Variants in FADS1 observed in about 807,000 individuals in gnomAD.
FADS1 encodes acyl-CoA (8-3)-desaturase.
A neutral mutation model predicts 61.6 loss-of-function variants in FADS1; 17 were observed. The ratio of observed to expected loss-of-function variants is 0.28; its 90% confidence interval spans 0.19 to 0.41. The LOEUF (loss-of-function observed/expected upper bound fraction) is 0.41, where lower values mean the gene tolerates loss of function less well. Ranked by LOEUF, FADS1 falls within the 10% of genes least tolerant of loss-of-function variation. The pLI is 1.00. For synonymous variants in FADS1, 238 were observed against 258.7 expected (o/e 0.92, Z 0.77); for missense variants, 387 against 650.9 (o/e 0.59, Z 4.41).
chr11:61,802,830 G>T lies in FADS1; in HGVS notation c.1425C>A (p.Pro475=), dbSNP rs748247775. ...AKHGIEYQSK[P]LLSAFADIIH... Reference sequence around the variant, plus strand: ...TGATGTCGGCGAAGGCTGACAGCAGGGGCTTGGACTGGTACTCTATGCCAT... The same window carrying T: ...TGATGTCGGCGAAGGCTGACAGCAGTGGCTTGGACTGGTACTCTATGCCAT... The change falls in exon 11 of 12, where the codon CCC becomes CCA. Residue 475 remains proline, a synonymous_variant. Coordinates refer to ENST00000350997, the MANE Select transcript of FADS1 (RefSeq NM_013402.7). This position sits in a 1 kb window ranked among gnomAD's most constrained non-coding sequence, Gnocchi z 4.2. 55 of 1,614,118 alleles carry T rather than the reference G, an allele frequency of 3.4e-5. No individual in the cohort carries two copies. The highest frequency in any genetic ancestry group is 4.2e-5 in the Non-Finnish European group (49 of 1,180,050).
At chr11:61,811,182 C>A in intron 3 of FADS1, 107 bp from the exon 4 acceptor site, 1 of 772,302 alleles carries the variant, frequency 1.3e-6, no homozygotes, top group Non-Finnish European at 2.2e-6. Flanking sequence ...CTGCCAAGGC[C>A]TGTGATGCAC....
In FADS1 at chr11:61,816,865, C is replaced by A. The variant is rs935027235; in HGVS notation, c.65G>T (p.Arg22Leu). The A allele has an allele frequency of 5.9e-5, 87 of 1,478,556 alleles. No individual in the cohort carries two copies. The highest frequency in any genetic ancestry group is 7.0e-5 in the Non-Finnish European group (79 of 1,125,508). The allele number at this position is 1,478,556 out of a possible 1,614,324, so 91.6% of individuals were successfully genotyped here. A position where few individuals can be genotyped will look rare whatever the true frequency, so the allele number is the denominator to read the frequency against. The change falls in exon 1 of 12, where the codon CGG (arginine) becomes CTG (leucine). Residue 22 changes from arginine (R) to leucine (L), a missense_variant. By Grantham distance (102) the Arg-to-Leu change is moderately radical. This residue lies in a region of FADS1 where 130 missense variants were observed against 117.7 expected (regional missense o/e 1.10). Coordinates refer to ENST00000350997, the MANE Select transcript of FADS1 (RefSeq NM_013402.7). The surrounding 1 kb of genome is among the most constrained non-coding windows in gnomAD (Gnocchi z 7.0). Reference sequence around the variant, plus strand: ...TTGCTGGCGCGCGCCCAGAGCCAGCCGCCTGCGCGCCGGGTTTTCAGCACC... The same window carrying A: ...TTGCTGGCGCGCGCCCAGAGCCAGCAGCCTGCGCGCCGGGTTTTCAGCACC... ...PCGAENPARRRLALGARQQIH... is the reference protein window; with the variant it reads ...PCGAENPARRLLALGARQQIH...
In FADS1 at chr11:61,816,057, T is replaced by C; in HGVS notation, c.375+498A>G. 1.7e-6 allele frequency: 1 copy of C among 587,782 alleles called. No individual in the cohort carries two copies. The highest frequency in any genetic ancestry group is 2.1e-5 in the South Asian group (1 of 48,504). The allele number at this position is 587,782 out of a possible 1,614,324, so 36.4% of individuals were successfully genotyped here. A position where few individuals can be genotyped will look rare whatever the true frequency, so the allele number is the denominator to read the frequency against. On this transcript the variant is annotated intron_variant, in intron 1 of 11. Coordinates refer to ENST00000350997, the MANE Select transcript of FADS1 (RefSeq NM_013402.7). This position sits in a 1 kb window ranked among gnomAD's most constrained non-coding sequence, Gnocchi z 7.0. ...TTCAGCCCCATCCTCGAGAATGGGCTCCTTTCCTGCTCCCTCTCCGCTCCT... is the reference window on the plus strand; with the variant it reads ...TTCAGCCCCATCCTCGAGAATGGGCCCCTTTCCTGCTCCCTCTCCGCTCCT...
chr11:61,812,995 TA>T (rs1233097059), intron 2 of FADS1, among the ~76,000 whole-genome samples: 1 of 152,022 alleles, frequency 6.6e-6, no homozygotes, highest in Non-Finnish European at 1.5e-5. Context: ...GCTCATATGA[TA>T]ACAATGATGA....
At chr11:61,804,474 G>A (rs1175314668) in intron 7 of FADS1, 6 of 545,298 alleles carry the variant, frequency 1.1e-5, no homozygotes, top group Admixed American at 1.0e-4. Flanking sequence ...TGGAGACACT[G>A]ACCGCATGAA....
rs1229321804 is a variant in FADS1, at chr11:61,816,188, C to T, written c.375+367G>A. On this transcript the variant is annotated intron_variant, in intron 1 of 11. Coordinates refer to ENST00000350997, the MANE Select transcript of FADS1 (RefSeq NM_013402.7). This position sits in a 1 kb window ranked among gnomAD's most constrained non-coding sequence, Gnocchi z 7.0. ...TCCCCTGGCCACTGACCCCCTCCCTCCCCAGGCGGCCTGCATCCTTGCTCT... is the reference window on the plus strand; with the variant it reads ...TCCCCTGGCCACTGACCCCCTCCCTTCCCAGGCGGCCTGCATCCTTGCTCT... 7.6e-6 allele frequency: 11 copies of T among 1,450,270 alleles called. No homozygotes were observed. The African/African-American group carries it at 9.7e-5, about 13-fold the overall frequency. 89.8% of individuals were successfully genotyped at this position (1,450,270 alleles called of 1,614,324 possible).
Position 61,816,983 on chromosome 11 carries a change from G to A in FADS1, c.-54C>T. The A allele has an allele frequency of 7.4e-7, 1 of 1,347,032 alleles. No individual in the cohort carries two copies. 83.4% of individuals were successfully genotyped at this position (1,347,032 alleles called of 1,614,324 possible). ...GATCCCGTCCCCCGGTGGGTCTTGG[G>A]CAACTCACAGCTGGGCTGCCAACAC... On this transcript the variant is annotated 5_prime_UTR_variant, in exon 1 of 12. Coordinates refer to ENST00000350997, the MANE Select transcript of FADS1 (RefSeq NM_013402.7). This position sits in a 1 kb window ranked among gnomAD's most constrained non-coding sequence, Gnocchi z 7.0.
chr11:61,806,824 T>C (rs1196046202), intron 5 of FADS1, 100 bp from the exon 6 acceptor site: 5 of 1,049,208 alleles, frequency 4.8e-6, no homozygotes, highest in Non-Finnish European at 7.5e-6. Context: ...CCTCCAGGGC[T>C]GACAGCTTGT....
chr11:61,816,328 T>C lies in FADS1; in HGVS notation c.375+227A>G. On this transcript the variant is annotated intron_variant, in intron 1 of 11. Coordinates refer to ENST00000350997, the MANE Select transcript of FADS1 (RefSeq NM_013402.7). The surrounding 1 kb of genome is among the most constrained non-coding windows in gnomAD (Gnocchi z 7.0). ...GGGACCCTTTGTTTGTGTGTGCGTG[T>C]TGTTGGCCTCCATCCCCACTCCCCA... 1 of 1,598,358 alleles carries C rather than the reference T, an allele frequency of 6.3e-7. No individual in the cohort carries two copies. Among genetic ancestry groups the C allele is most frequent in the Non-Finnish European group, 8.5e-7 (1 of 1,179,778 alleles).
rs372910805 is a variant in FADS1 at position 61,812,623 on chromosome 11, G to A, written c.532C>T (p.Arg178Trp). The change falls in exon 3 of 12, where the codon CGG becomes TGG. Residue 178 changes from arginine to tryptophan, a missense_variant. Arg to Trp is a moderately radical substitution (Grantham distance 101). This residue lies in a region of FADS1 where 257 missense variants were observed against 533.3 expected (regional missense o/e 0.48). Transcript: ENST00000350997. ...EFRELRATVE[R>W]MGLMKANHVF... ...TGGTTGGCCTTCATGAGCCCCATCCGCTCCACTGTGGCCCGCAGCTCCCGG... is the reference window on the plus strand; with the variant it reads ...TGGTTGGCCTTCATGAGCCCCATCCACTCCACTGTGGCCCGCAGCTCCCGG... 5.5e-5 allele frequency: 89 copies of A among 1,613,998 alleles called. No individual in the cohort carries two copies. Among genetic ancestry groups the A allele is most frequent in the Non-Finnish European group, 7.3e-5 (86 of 1,180,036 alleles).
intron 1 of FADS1, chr11:61,814,884 T>TTCTTGC (rs1376037019): frequency 6.6e-6 from 1 of 152,490 alleles, no homozygotes; most frequent in African/African-American, 2.4e-5. Context: ...CTTCCGTCCC[T>TTCTTGC]TCTTGCGGGT....
At chr11:61,814,472 C>G (rs570528659) in intron 1 of FADS1, 2 of 152,296 alleles carry the variant, frequency 1.3e-5, no homozygotes, top group Non-Finnish European at 2.9e-5. Context: ...GGCGTTGGTT[C>G]CTTCCGGCGG....
Position 61,803,022 on chromosome 11 carries a change from C to T in FADS1, c.1328+10G>A. The T allele has an allele frequency of 6.2e-7, 1 of 1,614,124 alleles. No homozygotes were observed. Among genetic ancestry groups the T allele is most frequent in the Non-Finnish European group, 8.5e-7 (1 of 1,180,000 alleles). ...CCCCAGGACCCTGCTTCCCCAGGCT[C>T]CCTACTCACTGGTGCTCAATCTGGA... On this transcript the variant is annotated intron_variant, in intron 10 of 11. Transcript: ENST00000350997. The surrounding 1 kb of genome is among the most constrained non-coding windows in gnomAD (Gnocchi z 4.3).
chr11:61,804,596 T>C, intron 7 of FADS1, 89 bp downstream of exon 7: 1 of 978,858 alleles, frequency 1.0e-6, no homozygotes, highest in East Asian at 2.4e-5. Context: ...AGGCCTAGAG[T>C]CAGTCTCAAG....
rs761814368 is a variant in FADS1 at position 61,810,823 on chromosome 11, G to A, written c.843C>T (p.Asn281=). Residue 281 remains asparagine (N), a synonymous_variant, in exon 5 of 12, where the codon AAC becomes AAT. Transcript: ENST00000350997. The part of the protein sequence containing the change: ...HMHFQHHAKP[N]CFRKDPDINM... ...TGATGTCTGGGTCTTTGCGGAAGCA[G>A]TTGGGCTTGGCATGGTGCTGGAAGT... The A allele has an allele frequency of 2.5e-6, 4 of 1,614,094 alleles. No individual in the cohort carries two copies. The highest frequency in any genetic ancestry group is 3.4e-6 in the Non-Finnish European group (4 of 1,180,038).
At position 61,800,641 on chromosome 11, in the gene FADS1, TCTGCCATCCC is replaced by T. The variant is rs2066850257; in HGVS notation, c.*1760_*1769del. 6.6e-6 allele frequency: 1 copy of T among 152,514 alleles called. No homozygotes were observed. The highest frequency in any genetic ancestry group is 2.1e-4 in the South Asian group (1 of 4,834). The allele number at this position is 152,514 out of a possible 1,614,324, so 9.4% of individuals were successfully genotyped here. A position where few individuals can be genotyped will look rare whatever the true frequency, so the allele number is the denominator to read the frequency against. ...CTTAGGACGCTCATCTCCTTGACTG[TCTGCCATCCC>T]CTCCCAAAACTAAGTGGAGGCTCTG... On this transcript the variant is annotated 3_prime_UTR_variant, in exon 12 of 12. Coordinates refer to ENST00000350997, the MANE Select transcript of FADS1 (RefSeq NM_013402.7).
Position 61,816,116 on chromosome 11 carries a change from C to A in FADS1, c.375+439G>T. 1.4e-6 allele frequency: 1 copy of A among 706,930 alleles called. No homozygotes were observed. The highest frequency in any genetic ancestry group is 2.3e-6 in the Non-Finnish European group (1 of 434,148). The allele number at this position is 706,930 out of a possible 1,614,324, so 43.8% of individuals were successfully genotyped here. On this transcript the variant is annotated intron_variant, in intron 1 of 11. Coordinates refer to ENST00000350997, the MANE Select transcript of FADS1 (RefSeq NM_013402.7). This position sits in a 1 kb window ranked among gnomAD's most constrained non-coding sequence, Gnocchi z 7.0. Reference sequence around the variant, plus strand: ...GTGGAGACCGGCACCTAGGTCCAGACGCGGCTGCGCTGCCTCTCCTAGCCA... The same window carrying A: ...GTGGAGACCGGCACCTAGGTCCAGAAGCGGCTGCGCTGCCTCTCCTAGCCA...
At chr11:61,808,111 G>A (rs540346887) in intron 5 of FADS1, among the ~76,000 whole-genome samples, 29 of 152,110 alleles carry the variant, frequency 1.9e-4, no homozygotes, top group African/African-American at 5.6e-4. Context: ...TGAGGTAGGC[G>A]GACTGCATGA....
Position 61,816,396 on chromosome 11 carries a change from A to C in FADS1, c.375+159T>G. ...CCTCTCTCCCGCCTTTTCATCCCGCATCCGCAGGACACCCAATCACCGGGC... is the reference window on the plus strand; with the variant it reads ...CCTCTCTCCCGCCTTTTCATCCCGCCTCCGCAGGACACCCAATCACCGGGC... On this transcript the variant is annotated intron_variant, in intron 1 of 11. Transcript: ENST00000350997. The surrounding 1 kb of genome is among the most constrained non-coding windows in gnomAD (Gnocchi z 7.0). The C allele has an allele frequency of 1.3e-6, 2 of 1,598,456 alleles. No individual in the cohort carries two copies. The highest frequency in any genetic ancestry group is 1.7e-6 in the Non-Finnish European group (2 of 1,179,792).
Sources: allele counts gnomAD v4.1 joint callset (sites outside exome capture counted in the v4.1 genomes callset), GRCh38; gene constraint gnomAD v4.1.1; regional missense constraint gnomAD v4.1.1; non-coding constraint Gnocchi (gnomAD v3.1); transcripts MANE v1.5; gene names NCBI Gene and HGNC (gene_info 2026-07-23, HGNC 2026-07-21).